BIVM: variants seen among roughly 807,000 people sequenced by gnomAD.
The protein encoded by BIVM is basic immunoglobulin-like variable motif-containing protein.
A neutral mutation model predicts 61.4 loss-of-function variants in BIVM; 31 were observed. The observed-to-expected ratio is 0.51, with a 90% CI of 0.38 to 0.68. The LOEUF is 0.68. BIVM is among the 30% of genes least tolerant of loss of function. The pLI is 0.00. For missense variants in BIVM, 526 were observed against 596.0 expected (o/e 0.88, Z 1.22); for synonymous variants, 189 against 210.7 (o/e 0.90, Z 0.89).
At position 102,839,674 on chromosome 13, in the gene BIVM, C is replaced by T. The variant is rs1310227679; in HGVS notation, c.1321C>T (p.Pro441Ser). ...PFGTIRQESQPPTHAQGIAKS... is the reference protein window; with the variant it reads ...PFGTIRQESQSPTHAQGIAKS... ...TGGAACCATTAGACAAGAATCACAA[C>T]CTCCAACACATGCCCAGGGAATTGC... Residue 441 changes from proline (P) to serine (S), a missense_variant, in exon 11 of 11, where the codon CCT (proline) becomes TCT (serine). By Grantham distance (74) the Pro-to-Ser change is moderately conservative. Around this residue, in one of 3 missense-constraint regions of BIVM, gnomAD observed 210 missense variants for 233.1 expected, o/e 0.90. Transcript: ENST00000257336. 2.5e-6 allele frequency: 4 copies of T among 1,614,218 alleles called. No individual in the cohort carries two copies. The Admixed American group carries it at 6.7e-5, about 27-fold the overall frequency.
intron 3 of BIVM, among the ~76,000 whole-genome samples, chr13:102,810,495 A>G (rs1020204591): frequency 2.0e-5 from 3 of 152,248 alleles, no homozygotes; most frequent in Non-Finnish European, 4.4e-5. Context: ...CATTTGAAGT[A>G]ATCACTGATA....
At chr13:102,826,277 C>T (rs1880664643) in intron 7 of BIVM, among the ~76,000 whole-genome samples, 1 of 152,188 alleles carries the variant, frequency 6.6e-6, no homozygotes, top group South Asian at 2.1e-4. Flanking sequence ...CTCACCTGCA[C>T]CTGTGTGCTA....
chr13:102,838,689 C>T lies in BIVM; in HGVS notation c.1168C>T (p.Leu390=), dbSNP rs1247408568. The T allele has an allele frequency of 1.2e-6, 2 of 1,613,132 alleles. No individual in the cohort carries two copies. The highest frequency in any genetic ancestry group is 1.7e-6 in the Non-Finnish European group (2 of 1,179,426). The change falls in exon 10 of 11, where the codon CTG becomes TTG. Residue 390 remains leucine, a synonymous_variant. Coordinates refer to ENST00000257336, the MANE Select transcript of BIVM (RefSeq NM_017693.4). ...TDLNTQNPEY[L]DIRHLERGLQ... ...TCTAAACACTCAAAATCCAGAATAC[C>T]TGGATATCCGGCACTTAGAGAGGGG...
chr13:102,811,715 G>A (rs1209125750), intron 3 of BIVM, among the ~76,000 whole-genome samples: 1 of 152,112 alleles, frequency 6.6e-6, no homozygotes, highest in African/African-American at 2.4e-5. Context: ...TAGAGACGGA[G>A]TTTCTCCATG....
intron 9 of BIVM, among the ~76,000 whole-genome samples, 176 bp downstream of exon 9, chr13:102,834,728 A>G (rs1356354680): frequency 1.3e-5 from 2 of 152,232 alleles, no homozygotes; most frequent in African/African-American, 4.8e-5. Context: ...CTCTACTCCT[A>G]TCAATCTCCA....
chr13:102,800,048 G>C (rs1878641180), intron 1 of BIVM, among the ~76,000 whole-genome samples: 2 of 152,340 alleles, frequency 1.3e-5, no homozygotes, highest in South Asian at 4.1e-4. Context: ...TCCTCTGCCT[G>C]CCTCCCTCTT....
intron 7 of BIVM, 149 bp from the exon 8 acceptor site, chr13:102,831,416 C>T (rs1425694851): frequency 1.7e-6 from 2 of 1,205,926 alleles, no homozygotes; most frequent in East Asian, 2.4e-5. Context: ...ATTTTTTGTA[C>T]CTATCAATAG....
At chr13:102,814,427 G>C (rs1879728415) in intron 3 of BIVM, among the ~76,000 whole-genome samples, 1 of 152,112 alleles carries the variant, frequency 6.6e-6, no homozygotes, top group African/African-American at 2.4e-5. Flanking sequence ...TCAACAAAAA[G>C]AGAATAGGGG....
Position 102,834,488 on chromosome 13 carries a change from GA to G in BIVM, c.1059del (p.Val354LeufsTer6). 1 of 1,598,392 alleles carries G rather than the reference GA, an allele frequency of 6.3e-7. No individual in the cohort carries two copies. Among genetic ancestry groups the G allele is most frequent in the Non-Finnish European group, 8.5e-7 (1 of 1,175,068 alleles). ...AFSRGPLSPQ[E>X]VEYWILIGES... The stretch of plus-strand genomic sequence containing the variant: ...TAGCAGGGGACCTCTCTCACCACAG[GA>G]AGTTGAATATTGGATCTTAATTGGA... On this transcript the variant is annotated frameshift_variant, in exon 9 of 11. Coordinates refer to ENST00000257336, the MANE Select transcript of BIVM (RefSeq NM_017693.4). LOFTEE classifies it high-confidence loss of function.
Position 102,821,694 on chromosome 13 carries a change from C to G in BIVM, c.702-49C>G, listed in dbSNP as rs372113316. On this transcript the variant is annotated intron_variant, in intron 5 of 10. Coordinates refer to ENST00000257336, the MANE Select transcript of BIVM (RefSeq NM_017693.4). ...TTAACATTGAGACAGGCTGTATTTG[C>G]GTATGACTGGAATTGAAAAATGAAA... The G allele has an allele frequency of 3.2e-6, 5 of 1,549,832 alleles. No homozygotes were observed. In the South Asian group the frequency reaches 5.8e-5, roughly 18 times the overall value.
intron 7 of BIVM, among the ~76,000 whole-genome samples, chr13:102,826,287 AG>A (rs1455353388): frequency 3.9e-5 from 6 of 152,100 alleles, no homozygotes; most frequent in African/African-American, 1.4e-4. Flanking sequence ...CCTGTGTGCT[AG>A]ATCTGCCCTG....
intron 8 of BIVM, among the ~76,000 whole-genome samples, chr13:102,832,940 G>C (rs985944946): frequency 2.6e-5 from 4 of 152,068 alleles, no homozygotes; most frequent in African/African-American, 9.7e-5. Flanking sequence ...GATAATACCA[G>C]GATGGTTGAA....
chr13:102,829,619 A>G (rs1429298748), intron 7 of BIVM, among the ~76,000 whole-genome samples: 1 of 152,014 alleles, frequency 6.6e-6, no homozygotes, highest in Non-Finnish European at 1.5e-5. Flanking sequence ...GGGGCGGGAC[A>G]CTTGATTTTG....
At position 102,807,244 on chromosome 13, in the gene BIVM, A is replaced by G. The variant is rs1455777627; in HGVS notation, c.-24A>G. ...ATAGAGTTGCAACTTGTTTCTAGTA[A>G]TAGAAACTTTTACACTGCATTCAAT... On this transcript the variant is annotated 5_prime_UTR_variant, in exon 3 of 11. Transcript: ENST00000257336. The surrounding 1 kb of genome is among the most constrained non-coding windows in gnomAD (Gnocchi z 4.0). The G allele has an allele frequency of 1.9e-6, 3 of 1,555,490 alleles. No individual in the cohort carries two copies. The African/African-American group carries it at 4.1e-5, about 21-fold the overall frequency.
At chr13:102,821,328 C>T (rs7489475) in intron 5 of BIVM, among the ~76,000 whole-genome samples, 196 bp downstream of exon 5, 147,729 of 152,304 alleles carry the variant, frequency 0.97, 71,799 homozygotes, top group East Asian at 1. Flanking sequence ...GTACAGTGGC[C>T]CACACTTGTA....
intron 3 of BIVM, among the ~76,000 whole-genome samples, chr13:102,812,743 A>G (rs187521808): frequency 8.7e-4 from 133 of 152,300 alleles, no homozygotes; most frequent in Non-Finnish European, 1.6e-3. Flanking sequence ...GAACAAAAAA[A>G]CCACACCAAA....
chr13:102,800,927 C>T (rs1042333461), intron 1 of BIVM, among the ~76,000 whole-genome samples: 1 of 152,170 alleles, frequency 6.6e-6, no homozygotes, highest in South Asian at 2.1e-4. Context: ...TTTTGTTATA[C>T]GAAAAGGCTT....
chr13:102,818,090 C>T (rs1274976096), intron 4 of BIVM, among the ~76,000 whole-genome samples: 2 of 152,098 alleles, frequency 1.3e-5, no homozygotes, highest in Non-Finnish European at 2.9e-5. Context: ...GAATGCTTTA[C>T]TAAGGTCCTG....
intron 9 of BIVM, among the ~76,000 whole-genome samples, chr13:102,836,551 T>C (rs940600372): frequency 6.6e-6 from 1 of 152,238 alleles, no homozygotes; most frequent in Non-Finnish European, 1.5e-5. Context: ...TGGACTCAAG[T>C]GATCTTACTT....
Sources: allele counts gnomAD v4.1 joint callset (sites outside exome capture counted in the v4.1 genomes callset), GRCh38; gene constraint gnomAD v4.1.1; regional missense constraint gnomAD v4.1.1; non-coding constraint Gnocchi (gnomAD v3.1); transcripts MANE v1.5; gene names NCBI Gene and HGNC (gene_info 2026-07-23, HGNC 2026-07-21).